Variants in POU2F3 observed in about 807,000 individuals in gnomAD.
POU2F3 encodes the protein POU domain, class 2, transcription factor 3.
A neutral mutation model predicts 59.2 loss-of-function variants in POU2F3; 23 were observed. The observed-to-expected ratio is 0.39, with a 90% CI of 0.28 to 0.55. POU2F3 has a LOEUF of 0.55. Ranked by LOEUF, POU2F3 falls within the 20% of genes least tolerant of loss-of-function variation. The pLI is 0.66. For synonymous variants in POU2F3, 190 were observed against 214.6 expected (o/e 0.89, Z 1.00); for missense variants, 473 against 544.5 (o/e 0.87, Z 1.31).
intron 3 of POU2F3, among the ~76,000 whole-genome samples, chr11:120,282,557 A>G (rs1010239023): frequency 1.3e-5 from 2 of 152,154 alleles, no homozygotes; most frequent in African/African-American, 4.8e-5. Context: ...TCTGGAGGCT[A>G]AGGCACAAGA....
intron 10 of POU2F3, 93 bp downstream of exon 10, chr11:120,309,679 C>T: frequency 7.1e-7 from 1 of 1,411,576 alleles, no homozygotes; most frequent in Non-Finnish European, 9.8e-7. Flanking sequence ...GGGGAGCATC[C>T]AGTAAATAAA....
rs757602032 is a variant in POU2F3, at chr11:120,309,628, G to A, written c.1068+42G>A. 6.3e-6 allele frequency: 10 copies of A among 1,592,658 alleles called. No homozygotes were observed. In the East Asian group the frequency reaches 1.8e-4, roughly 29 times the overall value. Reference sequence around the variant, plus strand: ...CAAGCTGTCTGCCAAGCACTGGAGGGACATGATGCTTGGAGGGGAAGGTGG... The same window carrying A: ...CAAGCTGTCTGCCAAGCACTGGAGGAACATGATGCTTGGAGGGGAAGGTGG... On this transcript the variant is annotated intron_variant, in intron 10 of 12. Coordinates refer to ENST00000543440, the MANE Select transcript of POU2F3 (RefSeq NM_014352.4).
chr11:120,253,395 G>T (rs1464712873), intron 2 of POU2F3, among the ~76,000 whole-genome samples: 1 of 152,118 alleles, frequency 6.6e-6, no homozygotes, highest in East Asian at 1.9e-4. Flanking sequence ...ATGTAGCTGG[G>T]ACTACAGGCA....
intron 2 of POU2F3, among the ~76,000 whole-genome samples, chr11:120,250,636 G>A (rs1053775081): frequency 1.3e-5 from 2 of 152,198 alleles, no homozygotes; most frequent in African/African-American, 4.8e-5. Flanking sequence ...GATGGTGGTA[G>A]GAAGACTGGG....
intron 8 of POU2F3, 94 bp from the exon 9 acceptor site, chr11:120,307,385 C>T: frequency 1.4e-6 from 2 of 1,430,996 alleles, no homozygotes; most frequent in Non-Finnish European, 1.9e-6. Flanking sequence ...CACTGCAGAG[C>T]CCATCGGGAA....
Position 120,307,510 on chromosome 11 carries a change from G to T in POU2F3, c.801G>T (p.Thr267=), listed in dbSNP as rs765438198. The change falls in exon 9 of 13, where the codon ACG becomes ACT. Residue 267 remains threonine, a synonymous_variant. Coordinates refer to ENST00000543440, the MANE Select transcript of POU2F3 (RefSeq NM_014352.4). ...ESSPSDPSVS[T]PSSYPSLSEV... ...CTCCGTCAGACCCCTCAGTGAGCAC[G>T]CCCAGCTCCTACCCCAGCCTCAGTG... 1.2e-6 allele frequency: 2 copies of T among 1,614,124 alleles called. No homozygotes were observed. The highest frequency in any genetic ancestry group is 1.7e-6 in the Non-Finnish European group (2 of 1,179,992).
chr11:120,289,807 TCTC>T (rs950364747), intron 3 of POU2F3, among the ~76,000 whole-genome samples: 6 of 152,154 alleles, frequency 3.9e-5, no homozygotes, highest in African/African-American at 1.2e-4. Context: ...CTCTAGCTAT[TCTC>T]CTCCCTGACA....
At chr11:120,262,366 A>G (rs2135174073) in intron 2 of POU2F3, among the ~76,000 whole-genome samples, 1 of 152,362 alleles carries the variant, frequency 6.6e-6, no homozygotes, top group South Asian at 2.1e-4. Flanking sequence ...TTAAACAAAC[A>G]CAAAATGAGA....
intron 3 of POU2F3, among the ~76,000 whole-genome samples, chr11:120,297,492 G>C (rs4936514): frequency 0.047 from 7,165 of 152,294 alleles, 247 homozygotes; most frequent in Middle Eastern, 0.075. Flanking sequence ...AGCTGCAGAG[G>C]CAGACACAGA....
chr11:120,308,170 T>C (rs1370771248), intron 9 of POU2F3, among the ~76,000 whole-genome samples: 2 of 152,220 alleles, frequency 1.3e-5, no homozygotes, highest in African/African-American at 4.8e-5. Context: ...CTACGTTTTT[T>C]GGAACTTGTA....
intron 2 of POU2F3, among the ~76,000 whole-genome samples, chr11:120,253,326 C>CTTG (rs1265256703): frequency 6.6e-6 from 1 of 151,106 alleles, no homozygotes; most frequent in African/African-American, 2.4e-5. Flanking sequence ...GTGGCACAGT[C>CTTG]TTGGCTCACT....
intron 10 of POU2F3, among the ~76,000 whole-genome samples, chr11:120,312,689 C>G (rs549492884): frequency 2.6e-5 from 4 of 152,232 alleles, no homozygotes; most frequent in African/African-American, 9.6e-5. Context: ...CAGTGGTGAA[C>G]CGCACACGTG....
intron 3 of POU2F3, among the ~76,000 whole-genome samples, chr11:120,280,116 G>A (rs893172550): frequency 2.0e-5 from 3 of 152,156 alleles, no homozygotes; most frequent in Non-Finnish European, 4.4e-5. Flanking sequence ...TAAAAGCAGG[G>A]CCAGGCCTTC....
intron 5 of POU2F3, chr11:120,301,193 A>C (rs1941337443): frequency 7.1e-6 from 3 of 422,978 alleles, no homozygotes; most frequent in Non-Finnish European, 1.4e-5. Context: ...TTTTGGGGAA[A>C]GTTACCTAAC....
At chr11:120,265,703 C>G (rs957662424) in intron 2 of POU2F3, among the ~76,000 whole-genome samples, 1 of 152,236 alleles carries the variant, frequency 6.6e-6, no homozygotes, top group African/African-American at 2.4e-5. Flanking sequence ...TCACAGAAAT[C>G]AAAAGTGAAG....
intron 5 of POU2F3, among the ~76,000 whole-genome samples, chr11:120,299,939 C>A (rs1173348098): frequency 6.6e-6 from 1 of 152,198 alleles, no homozygotes; most frequent in Non-Finnish European, 1.5e-5. Flanking sequence ...CCCTTCCCAG[C>A]CTCCTGTTGG....
chr11:120,305,096 C>A lies in POU2F3; in HGVS notation c.511C>A (p.Pro171Thr). The change falls in exon 7 of 13, where the codon CCA becomes ACA. Residue 171 changes from proline (P) to threonine (T), a missense_variant. Transcript: ENST00000543440. ...EPHLEASQHL[P>T]VPKHLPSSGG... is the part of the protein sequence containing the mutation. ...CCACCTGGAAGCATCCCAGCATCTC[C>A]CAGTGCCCAAGCATCTACCCAGCTC... is the stretch of plus-strand genomic sequence containing the variant. The A allele has an allele frequency of 6.2e-7, 1 of 1,613,920 alleles. No homozygotes were observed. The highest frequency in any genetic ancestry group is 1.1e-5 in the South Asian group (1 of 91,048).
chr11:120,242,636 G>A (rs1938712735), intron 1 of POU2F3, among the ~76,000 whole-genome samples: 1 of 152,162 alleles, frequency 6.6e-6, no homozygotes, highest in East Asian at 1.9e-4. Flanking sequence ...CTAGAGCATA[G>A]GCTTGCTCCC....
intron 3 of POU2F3, among the ~76,000 whole-genome samples, chr11:120,284,723 CAT>C (rs768706696): frequency 1.3e-4 from 20 of 152,204 alleles, no homozygotes; most frequent in Non-Finnish European, 2.2e-4. Context: ...TCCAGTGACA[CAT>C]GACATCACTG....
Sources: gnomAD v4.1 joint callset for allele counts (sites outside exome capture counted in the v4.1 genomes callset) on GRCh38, gnomAD v4.1.1 for gene constraint, MANE v1.5 for transcripts, NCBI Gene and HGNC (gene_info 2026-07-23, HGNC 2026-07-21) for gene names.